FBXO7: variants seen among roughly 807,000 people sequenced by gnomAD.
FBXO7 encodes F-box protein 7.
FBXO7 carries 31 observed loss-of-function variants against 50.2 expected under a neutral mutation model. The ratio of observed to expected loss-of-function variants is 0.62; its 90% CI spans 0.46 to 0.83. The LOEUF (loss-of-function observed/expected upper bound fraction) is 0.83. Ranked by LOEUF, FBXO7 falls within the 40% of genes least tolerant of loss-of-function variation. The probability of loss-of-function intolerance (pLI) is 0.00; values close to 1 mark genes in which losing one functional copy is unlikely to be tolerated. For synonymous variants in FBXO7, 256 were observed against 253.1 expected (o/e 1.01, Z -0.11); for missense variants, 667 against 646.6 (o/e 1.03, Z -0.34).
chr22:32,475,678 C>A, intron 1 of FBXO7: 1 of 418,774 alleles, frequency 2.4e-6, no homozygotes, highest in Non-Finnish European at 4.2e-6. Context: ...CTGTTGTGTT[C>A]ATGCGCCGAG....
chr22:32,475,287 C>CCGGGCGTCGCGGAGCCGGAGGGTG, intron 1 of FBXO7, 163 bp downstream of exon 1: 1 of 1,594,156 alleles, frequency 6.3e-7, no homozygotes, highest in Non-Finnish European at 8.5e-7. Flanking sequence ...CCGGGCTCTT[C>CCGGGCGTCGCGGAGCCGGAGGGTG]CGGGCGTCGC....
At position 32,498,304 on chromosome 22, in the gene FBXO7, A is replaced by G. The variant is rs540138553; in HGVS notation, c.1343A>G (p.Tyr448Cys). 5.6e-6 allele frequency: 9 copies of G among 1,614,084 alleles called. No homozygotes were observed. The South Asian group carries it at 9.9e-5, about 18-fold the overall frequency. The stretch of plus-strand genomic sequence containing the variant: ...CCTCCAGGAATTATCGGGGGTGAAT[A>G]TGACCAAAGACCAACACTTCCCTAT... ...RLPPGIIGGE[Y>C]DQRPTLPYVG... The change falls in exon 9 of 9, where the codon TAT becomes TGT. Residue 448 changes from tyrosine to cysteine, a missense_variant. Coordinates refer to ENST00000266087, the MANE Select transcript of FBXO7 (RefSeq NM_012179.4).
Position 32,479,099 on chromosome 22 carries a change from G to A in FBXO7, c.241G>A (p.Asp81Asn). Residue 81 changes from aspartate to asparagine, a missense_variant, in exon 2 of 9, where the codon GAC (aspartate) becomes AAC (asparagine). By Grantham distance (23) the Asp-to-Asn change is conservative. Transcript: ENST00000266087. Reference protein sequence around the residue: ...GDLICLILQDDIPAPNIPSST... With the variant: ...GDLICLILQDNIPAPNIPSST... ...CTTGATATGTTTGATTCTTCAAGATGACATTCCAGCGCCTAATATACCTTC... is the reference window on the plus strand; with the variant it reads ...CTTGATATGTTTGATTCTTCAAGATAACATTCCAGCGCCTAATATACCTTC... The A allele has an allele frequency of 6.2e-7, 1 of 1,614,200 alleles. No individual in the cohort carries two copies. Among genetic ancestry groups the A allele is most frequent in the Non-Finnish European group, 8.5e-7 (1 of 1,180,044 alleles).
At chr22:32,490,299 A>G (rs768247955) in intron 5 of FBXO7, 3 of 152,256 alleles carry the variant, frequency 2.0e-5, no homozygotes, top group Non-Finnish European at 4.4e-5. Flanking sequence ...GTCCAAGGCT[A>G]TACACTTGGT....
chr22:32,479,908 C>T (rs2057453976), intron 2 of FBXO7, among the ~76,000 whole-genome samples: 1 of 152,114 alleles, frequency 6.6e-6, no homozygotes, highest in Non-Finnish European at 1.5e-5. Flanking sequence ...TAGATGTGGT[C>T]TAATTATTTC....
At chr22:32,476,806 T>C (rs1464251733) in intron 1 of FBXO7, among the ~76,000 whole-genome samples, 9 of 152,222 alleles carry the variant, frequency 5.9e-5, no homozygotes, top group African/African-American at 1.9e-4. Context: ...TAGAATTTCA[T>C]TTCCTGGAAT....
rs2057415217 is a variant in FBXO7, at chr22:32,474,880, AC to A, written c.-119del. 2.1e-6 allele frequency: 2 copies of A among 955,596 alleles called. No homozygotes were observed. The highest frequency in any genetic ancestry group is 5.8e-5 in the East Asian group (2 of 34,560). The allele number at this position is 955,596 out of a possible 1,614,324, so 59.2% of individuals were successfully genotyped here. ...GCTCTTTCCCCGTTTCGCCTCAGCT[AC>A]CCCTCAGCTCCGGTAGTCGCCAGTC... is the stretch of plus-strand genomic sequence containing the variant. On this transcript the variant is annotated 5_prime_UTR_variant, in exon 1 of 9. Transcript: ENST00000266087.
Position 32,479,020 on chromosome 22 carries a change from T to A in FBXO7, c.162T>A (p.Asp54Glu), listed in dbSNP as rs200593533. 1 of 1,614,210 alleles carries A rather than the reference T, an allele frequency of 6.2e-7. No homozygotes were observed. The highest frequency in any genetic ancestry group is 8.5e-7 in the Non-Finnish European group (1 of 1,180,036). ...TTACAATTACATTGAACTACAAGGA[T>A]CCCCTCACTGGAGATGAAGAGACCT... The part of the protein sequence containing the change: ...TRFTITLNYK[D>E]PLTGDEETLA... Residue 54 changes from aspartate to glutamate, a missense_variant, in exon 2 of 9, where the codon GAT becomes GAA. By Grantham distance (45) the Asp-to-Glu change is conservative. Coordinates refer to ENST00000266087, the MANE Select transcript of FBXO7 (RefSeq NM_012179.4).
At position 32,479,170 on chromosome 22, in the gene FBXO7, C is replaced by G; in HGVS notation, c.312C>G (p.Pro104=). The G allele has an allele frequency of 6.2e-7, 1 of 1,614,082 alleles. No homozygotes were observed. The highest frequency in any genetic ancestry group is 8.5e-7 in the Non-Finnish European group (1 of 1,180,020). Residue 104 remains proline (P), a synonymous_variant, in exon 2 of 9, where the codon CCC becomes CCG. Transcript: ENST00000266087. ...EHSSLQNNEQ[P]SLATSSNQTS... is the part of the protein sequence containing the mutation. ...CTTCACTCCAGAATAATGAGCAACC[C>G]TCTTTGGCCACCAGCTCCAATCAGA... is the stretch of plus-strand genomic sequence containing the variant.
At chr22:32,486,787 C>T (rs904809131) in intron 4 of FBXO7, among the ~76,000 whole-genome samples, 7 of 152,214 alleles carry the variant, frequency 4.6e-5, no homozygotes, top group Admixed American at 2.0e-4. Context: ...TTCAGCAGTT[C>T]ATCATAATTA....
intron 1 of FBXO7, among the ~76,000 whole-genome samples, chr22:32,478,381 T>C (rs1243567703): frequency 6.6e-6 from 1 of 152,226 alleles, no homozygotes; most frequent in Non-Finnish European, 1.5e-5. Flanking sequence ...AATTGATATG[T>C]CATTGATTTT....
At chr22:32,478,368 G>A (rs565823214) in intron 1 of FBXO7, among the ~76,000 whole-genome samples, 38 of 152,288 alleles carry the variant, frequency 2.5e-4, no homozygotes, top group Admixed American at 1.2e-3. Flanking sequence ...GGAAAATGCT[G>A]TCAATTGATA....
chr22:32,493,415 A>G, intron 7 of FBXO7, 134 bp downstream of exon 7: 2 of 759,480 alleles, frequency 2.6e-6, no homozygotes, highest in East Asian at 2.6e-5. Context: ...GACTGACTCT[A>G]AGCTTCATAT....
chr22:32,497,766 C>G (rs1487196806), intron 8 of FBXO7, among the ~76,000 whole-genome samples: 1 of 152,226 alleles, frequency 6.6e-6, no homozygotes, highest in Non-Finnish European at 1.5e-5. Flanking sequence ...GCCACAGCCA[C>G]TTCAGCCTTT....
intron 8 of FBXO7, among the ~76,000 whole-genome samples, chr22:32,497,667 A>C (rs1242231685): frequency 6.6e-6 from 1 of 152,196 alleles, no homozygotes; most frequent in Non-Finnish European, 1.5e-5. Context: ...AAATGCCATC[A>C]AACAGCATCG....
At chr22:32,496,219 G>A (rs549802735) in intron 8 of FBXO7, among the ~76,000 whole-genome samples, 231 of 152,236 alleles carry the variant, frequency 1.5e-3, no homozygotes, top group African/African-American at 5.3e-3. Flanking sequence ...GGTGGCTCAC[G>A]CCTGTAATCC....
chr22:32,496,094 C>A (rs373562204), intron 8 of FBXO7, among the ~76,000 whole-genome samples: 1 of 152,224 alleles, frequency 6.6e-6, no homozygotes, highest in African/African-American at 2.4e-5. Flanking sequence ...CTTCAAAGGA[C>A]AGGCTGACTC....
intron 3 of FBXO7, 35 bp from the exon 4 acceptor site, chr22:32,485,033 T>C: frequency 6.2e-7 from 1 of 1,613,922 alleles, no homozygotes; most frequent in Middle Eastern, 1.7e-4. Context: ...AACACCTTTC[T>C]TCATTATTTG....
intron 6 of FBXO7, 93 bp downstream of exon 6, chr22:32,491,274 T>G: frequency 1.1e-6 from 1 of 901,470 alleles, no homozygotes; most frequent in Non-Finnish European, 1.8e-6. Context: ...GACTGCCCTC[T>G]TTTCTGCTCC....
Sources: gnomAD v4.1 joint callset for allele counts (sites outside exome capture counted in the v4.1 genomes callset) on GRCh38, gnomAD v4.1.1 for gene constraint, MANE v1.5 for transcripts, NCBI Gene and HGNC (gene_info 2026-07-23, HGNC 2026-07-21) for gene names.